ME3: variants seen among roughly 807,000 people sequenced by gnomAD.
ME3 encodes malic enzyme 3.
Under a neutral mutation model 68.9 loss-of-function variants are expected in ME3, and 48 were observed. The observed-to-expected ratio is 0.70, with a 90% CI of 0.55 to 0.89. The LOEUF is 0.89. Among genes scored for constraint, ME3 ranks in the 40% least tolerant of loss-of-function variants. ME3 has a pLI of 0.00. For synonymous variants in ME3, 320 were observed against 318.8 expected, an observed-to-expected ratio of 1.00 and a Z score of -0.04; for missense variants, 675 against 797.4, an observed-to-expected ratio of 0.85 and a Z score of 1.85.
At chr11:86,531,060 C>A (rs927901728) in intron 4 of ME3, among the ~76,000 whole-genome samples, 14 of 152,110 alleles carry the variant, frequency 9.2e-5, no homozygotes, top group Non-Finnish European at 1.8e-4. Context: ...AGTGAACAGG[C>A]AACCTACAGA....
At chr11:86,519,537 A>G (rs1954116768) in intron 4 of ME3, among the ~76,000 whole-genome samples, 1 of 152,242 alleles carries the variant, frequency 6.6e-6, no homozygotes, top group African/African-American at 2.4e-5. Flanking sequence ...AAAGGGCTTA[A>G]TTAAAACAGA....
At chr11:86,447,463 T>C (rs563731477) in intron 11 of ME3, among the ~76,000 whole-genome samples, 4 of 152,314 alleles carry the variant, frequency 2.6e-5, no homozygotes, top group African/African-American at 9.6e-5. Context: ...AAGGCATTCC[T>C]GGGCATTTCC....
intron 7 of ME3, among the ~76,000 whole-genome samples, chr11:86,474,625 A>T (rs1373670642): frequency 6.6e-6 from 1 of 152,168 alleles, no homozygotes; most frequent in Non-Finnish European, 1.5e-5. Context: ...GATTGTGCAT[A>T]TCAGGTTGGC....
chr11:86,573,705 T>C (rs2139565156), intron 2 of ME3, among the ~76,000 whole-genome samples: 1 of 150,660 alleles, frequency 6.6e-6, no homozygotes, highest in East Asian at 1.9e-4. Context: ...CCTTGTCTTG[T>C]GTCGGTTTTC....
chr11:86,565,432 G>A (rs1287364212), intron 2 of ME3, among the ~76,000 whole-genome samples: 1 of 152,182 alleles, frequency 6.6e-6, no homozygotes, highest in African/African-American at 2.4e-5. Context: ...ATATGTCAGT[G>A]TTCATTGCAG....
At chr11:86,529,805 C>A (rs1352301892) in intron 4 of ME3, among the ~76,000 whole-genome samples, 3 of 152,114 alleles carry the variant, frequency 2.0e-5, no homozygotes, top group Non-Finnish European at 4.4e-5. Context: ...AATTAAATAA[C>A]CCTTCATGCT....
exon 12 of ME3, chr11:86,447,174 T>C (rs1283825150): frequency 6.2e-7 from 1 of 1,614,180 alleles, no homozygotes; most frequent in Non-Finnish European, 8.5e-7. Flanking sequence ...CCTCAGAATC[T>C]GCTCCGTGAA....
At chr11:86,600,776 C>G (rs1453573679) in intron 2 of ME3, among the ~76,000 whole-genome samples, 2 of 151,800 alleles carry the variant, frequency 1.3e-5, no homozygotes, top group Non-Finnish European at 2.9e-5. Flanking sequence ...TGCAATCAAA[C>G]TAGAACTCAG....
intron 7 of ME3, among the ~76,000 whole-genome samples, chr11:86,484,027 A>G (rs1951558869): frequency 6.6e-6 from 1 of 152,210 alleles, no homozygotes; most frequent in South Asian, 2.1e-4. Context: ...AGCTTTGAGA[A>G]GGACACTCCC....
At chr11:86,522,877 G>A (rs749307411) in intron 4 of ME3, among the ~76,000 whole-genome samples, 6 of 152,152 alleles carry the variant, frequency 3.9e-5, no homozygotes, top group Non-Finnish European at 8.8e-5. Flanking sequence ...ATGATTTAAA[G>A]TATATTGTAG....
chr11:86,525,064 T>A lies in ME3; in HGVS notation c.468-16197A>T, dbSNP rs77710833. 2.5e-3 allele frequency among the ~76,000 whole-genome samples: 384 copies of A among 152,252 alleles called. 3 individuals carry two copies. Among genetic ancestry groups the A allele is most frequent in the Non-Finnish European group, 4.6e-3 (310 of 68,008 alleles). ...AAGTTCCAGTGAGACCCACTCCAAC[T>A]TGCAAAACATTGATATTATTGGGAA... On this transcript the variant is annotated intron_variant, in intron 4 of 14. Coordinates refer to ENST00000543262, the Ensembl canonical transcript of ME3.
intron 2 of ME3, among the ~76,000 whole-genome samples, chr11:86,611,612 G>A (rs1040364296): frequency 7.0e-4 from 100 of 142,804 alleles, no homozygotes; most frequent in South Asian, 1.3e-3. Context: ...AAGTGGGGGG[G>A]GGGGGAAGAA....
At chr11:86,514,856 C>G (rs141180379) in intron 4 of ME3, among the ~76,000 whole-genome samples, 78 of 152,264 alleles carry the variant, frequency 5.1e-4, no homozygotes, top group African/African-American at 1.7e-3. Context: ...GATCTTAGTT[C>G]AGAGGTTAAA....
chr11:86,614,978 G>A (rs1249812325), intron 2 of ME3, among the ~76,000 whole-genome samples: 1 of 152,084 alleles, frequency 6.6e-6, no homozygotes, highest in Non-Finnish European at 1.5e-5. Flanking sequence ...ACGACTTTTA[G>A]GGTTTTTGGC....
At chr11:86,634,291 T>C (rs1219585100) in intron 2 of ME3, among the ~76,000 whole-genome samples, 4 of 152,162 alleles carry the variant, frequency 2.6e-5, no homozygotes, top group Non-Finnish European at 5.9e-5. Flanking sequence ...TGTCTCTACA[T>C]GGGTACCACA....
At chr11:86,591,895 G>A (rs1024299365) in intron 2 of ME3, among the ~76,000 whole-genome samples, 11 of 152,080 alleles carry the variant, frequency 7.2e-5, no homozygotes, top group Non-Finnish European at 1.6e-4. Flanking sequence ...AATTCAAGAT[G>A]AGATTTGGGT....
At chr11:86,646,865 C>A (rs1945051707) in intron 2 of ME3, among the ~76,000 whole-genome samples, 1 of 152,112 alleles carries the variant, frequency 6.6e-6, no homozygotes, top group African/African-American at 2.4e-5. Context: ...CTGCAGAAAC[C>A]CTACAAGCCA....
At chr11:86,522,723 T>C (rs180930932) in intron 4 of ME3, among the ~76,000 whole-genome samples, 1 of 152,224 alleles carries the variant, frequency 6.6e-6, no homozygotes, top group South Asian at 2.1e-4. Flanking sequence ...TTCTTTTTTA[T>C]GGCTGCATAG....
At chr11:86,591,599 G>A (rs1431034187) in intron 2 of ME3, among the ~76,000 whole-genome samples, 1 of 152,134 alleles carries the variant, frequency 6.6e-6, no homozygotes, top group Non-Finnish European at 1.5e-5. Context: ...CTGTTCTCAT[G>A]CTGCTAATAA....
Sources: allele counts gnomAD v4.1 joint callset (sites outside exome capture counted in the v4.1 genomes callset), GRCh38; gene constraint gnomAD v4.1.1; transcripts MANE v1.5; gene names NCBI Gene and HGNC (gene_info 2026-07-23, HGNC 2026-07-21).